TMEM276: variants seen among roughly 807,000 people sequenced by gnomAD.
TMEM276 encodes transmembrane protein 276.
the TMEM276 span, chr8:144,464,857 A>AT: frequency 6.2e-7 from 1 of 1,612,866 alleles, no homozygotes; most frequent in Non-Finnish European, 8.5e-7. Flanking sequence ...CCAGCACCAG[A>AT]TGGGACAGGG....
the TMEM276 span, chr8:144,466,998 AGGGCCGCGCGGCCGC>A: frequency 1.3e-6 from 2 of 1,597,578 alleles, no homozygotes; most frequent in African/African-American, 2.7e-5. Flanking sequence ...GGCGCAGCCG[AGGGCCGCGCGGCCGC>A]GGTGTCCCTG....
the TMEM276 span, chr8:144,464,557 G>A: frequency 6.2e-7 from 1 of 1,611,482 alleles, no homozygotes; most frequent in Non-Finnish European, 8.5e-7. Context: ...TGGGGCCAGC[G>A]TGGTGGTGGC....
At chr8:144,465,584 G>T in the TMEM276 span, 1 of 182,802 alleles carries the variant, frequency 5.5e-6, no homozygotes, top group Non-Finnish European at 1.0e-5. Flanking sequence ...GGGGGGGCCG[G>T]TTGGAGGCCG....
the TMEM276 span, chr8:144,465,159 G>A: frequency 1.4e-6 from 2 of 1,383,650 alleles, no homozygotes; most frequent in Non-Finnish European, 1.9e-6. Flanking sequence ...GGTCTAAGCT[G>A]GGGGGAACGT....
the TMEM276 span, chr8:144,465,303 CA>C: frequency 8.9e-7 from 1 of 1,125,114 alleles, no homozygotes; most frequent in South Asian, 1.9e-5. Context: ...AACCCGGGTC[CA>C]GGAGGAGCGA....
At chr8:144,464,686 G>A in the TMEM276 span, 97 of 1,572,994 alleles carry the variant, frequency 6.2e-5, no homozygotes, top group Non-Finnish European at 8.1e-5. Flanking sequence ...AAAGGGTTTG[G>A]GGCTTCCATG....
chr8:144,464,058 G>A, the TMEM276 span: 10 of 1,553,512 alleles, frequency 6.4e-6, no homozygotes, highest in Admixed American at 1.9e-5. Flanking sequence ...GGGAGAAGGC[G>A]CCAGGAGCAG....
chr8:144,466,980 G>C, the TMEM276 span: 1 of 1,596,462 alleles, frequency 6.3e-7, no homozygotes, highest in Non-Finnish European at 8.5e-7. Context: ...CCTGAGGATG[G>C]GTCGGAAGGC....
the TMEM276 span, chr8:144,465,076 C>T: frequency 3.9e-6 from 6 of 1,528,484 alleles, no homozygotes; most frequent in African/African-American, 1.4e-5. Flanking sequence ...CTTTCCGGAT[C>T]CCTGAGGCCA....
the TMEM276 span, chr8:144,466,532 G>C: frequency 0.5 from 605,542 of 1,215,826 alleles, 152,660 homozygotes; most frequent in Middle Eastern, 0.61. Context: ...AGCGGGGCTG[G>C]CCGTGCAGCC....
the TMEM276 span, chr8:144,466,733 T>A: frequency 6.7e-7 from 1 of 1,502,688 alleles, no homozygotes; most frequent in Non-Finnish European, 8.9e-7. Context: ...GCCCCCCTCC[T>A]CAGGGGCGCC....
chr8:144,466,638 C>T, the TMEM276 span: 108 of 953,716 alleles, frequency 1.1e-4, 1 homozygote, highest in South Asian at 2.6e-3. Flanking sequence ...CGAGGACCCT[C>T]GGCTCGGCCC....
chr8:144,464,960 G>A, the TMEM276 span: 12 of 1,588,536 alleles, frequency 7.6e-6, no homozygotes, highest in African/African-American at 1.3e-5. Flanking sequence ...ACTTTGGAGA[G>A]GAAGGAAGCG....
At chr8:144,466,765 C>T in the TMEM276 span, 2 of 1,531,092 alleles carry the variant, frequency 1.3e-6, no homozygotes, top group Non-Finnish European at 8.7e-7. Context: ...CCTAGAGAGC[C>T]CGCAAGCCCC....
the TMEM276 span, chr8:144,466,649 C>T: frequency 3.9e-6 from 4 of 1,030,894 alleles, no homozygotes; most frequent in South Asian, 2.0e-5. Context: ...GGCTCGGCCC[C>T]GATGCTGGAA....
chr8:144,464,311 A>G, the TMEM276 span: 1 of 1,613,056 alleles, frequency 6.2e-7, no homozygotes, highest in Non-Finnish European at 8.5e-7. Context: ...GGCCGTGAAG[A>G]CAGCTACAAT....
At chr8:144,464,197 CGACA>C in the TMEM276 span, 1 of 1,613,162 alleles carries the variant, frequency 6.2e-7, no homozygotes, top group South Asian at 1.1e-5. Flanking sequence ...CAAGGCCCAG[CGACA>C]GACATCCTCC....
chr8:144,466,675 C>A, the TMEM276 span: 1 of 1,218,670 alleles, frequency 8.2e-7, no homozygotes. Flanking sequence ...GACTTCGGCC[C>A]CAATCCTCCG....
the TMEM276 span, chr8:144,466,340 A>C: frequency 4.6e-6 from 2 of 438,666 alleles, no homozygotes; most frequent in Non-Finnish European, 6.7e-6. Flanking sequence ...GCGCACCGGC[A>C]CTGCGGCGGG....
Sources: gnomAD v4.1 joint callset for allele counts on GRCh38, gnomAD v4.1.1 for gene constraint, MANE v1.5 for transcripts, NCBI Gene and HGNC (gene_info 2026-07-23, HGNC 2026-07-21) for gene names.